KLF15: variants seen among roughly 807,000 people sequenced by gnomAD.
KLF15 encodes the protein KLF transcription factor 15.
Under a neutral mutation model 24.6 loss-of-function variants are expected in KLF15, and 4 were observed. The observed-to-expected ratio is 0.16, with a 90% CI of 0.08 to 0.37. The LOEUF (loss-of-function observed/expected upper bound fraction) is 0.37, where lower values mean the gene tolerates loss of function less well. KLF15 is among the 10% of genes least tolerant of loss of function. KLF15 has a pLI of 1.00. For synonymous variants in KLF15, 246 were observed against 236.3 expected (o/e 1.04, Z -0.37); for missense variants, 496 against 560.6 (o/e 0.88, Z 1.16).
At position 126,352,576 on chromosome 3, in the gene KLF15, T is replaced by G; in HGVS notation, c.347A>C (p.Lys116Thr). The change falls in exon 2 of 3, where the codon AAG (lysine) becomes ACG (threonine). Residue 116 changes from lysine to threonine, a missense_variant. Lys to Thr is a moderately conservative substitution (Grantham distance 78). Coordinates refer to ENST00000296233, the MANE Select transcript of KLF15 (RefSeq NM_014079.4). ...CTCGGGCAAGCAGAAATGCTCCCCC[T>G]TCACAGGGGCCGCTGCCCTTCGCCA... ...GPWRRAAAPV[K>T]GEHFCLPEFP... 1 of 1,612,656 alleles carries G rather than the reference T, an allele frequency of 6.2e-7. No homozygotes were observed. Among genetic ancestry groups the G allele is most frequent in the Non-Finnish European group, 8.5e-7 (1 of 1,179,930 alleles).
chr3:126,343,988 G>A, intron 2 of KLF15, 93 bp from the exon 3 acceptor site: 1 of 1,339,388 alleles, frequency 7.5e-7, no homozygotes, highest in Admixed American at 3.0e-5. Flanking sequence ...GCGTGCACCT[G>A]GCACTCACCC....
chr3:126,328,534 T>C, the KLF15 span, among the ~76,000 whole-genome samples: 2 of 152,220 alleles, frequency 1.3e-5, no homozygotes, highest in Non-Finnish European at 2.9e-5. Context: ...CTGTACTAGT[T>C]TACATTCCCA....
In KLF15 at chr3:126,356,731, G is replaced by A. The variant is rs748756329; in HGVS notation, c.-26+506C>T. On this transcript the variant is annotated intron_variant, in intron 1 of 2. Coordinates refer to ENST00000296233, the MANE Select transcript of KLF15 (RefSeq NM_014079.4). This position sits in a 1 kb window ranked among gnomAD's most constrained non-coding sequence, Gnocchi z 4.4. ...GGGAAACGTGCGTGGGAAATGAAGA[G>A]AGCCGGCTCAGACCCCTTCTAGAGT... Among the ~76,000 whole-genome samples the A allele has an allele frequency of 2.8e-4, 42 of 152,080 alleles. No individual in the cohort carries two copies. Among genetic ancestry groups the A allele is most frequent in the Non-Finnish European group, 5.4e-4 (37 of 68,014 alleles).
intron 2 of KLF15, among the ~76,000 whole-genome samples, chr3:126,347,172 A>G (rs2082541338): frequency 2.0e-5 from 3 of 152,180 alleles, no homozygotes; most frequent in Admixed American, 2.0e-4. Context: ...GGGCTGGTGC[A>G]TACAGCACTT....
chr3:126,315,436 C>A, the KLF15 span, among the ~76,000 whole-genome samples: 5 of 152,184 alleles, frequency 3.3e-5, no homozygotes, highest in African/African-American at 1.2e-4. Flanking sequence ...TGGTCCACCC[C>A]ACTGTGCCCC....
Position 126,356,100 on chromosome 3 carries a change from T to C in KLF15, c.-26+1137A>G, listed in dbSNP as rs528558537. Among the ~76,000 whole-genome samples the C allele has an allele frequency of 3.3e-5, 5 of 152,212 alleles. No individual in the cohort carries two copies. In the East Asian group the frequency reaches 7.8e-4, roughly 24 times the overall value. ...CAGCGGCTGCAGGAACAACATGTAA[T>C]TGATAACAAGCCCAGCGCCGGCCAA... On this transcript the variant is annotated intron_variant, in intron 1 of 2. Coordinates refer to ENST00000296233, the MANE Select transcript of KLF15 (RefSeq NM_014079.4). This position sits in a 1 kb window ranked among gnomAD's most constrained non-coding sequence, Gnocchi z 4.4.
chr3:126,310,767 C>T, the KLF15 span, among the ~76,000 whole-genome samples: 22,384 of 152,066 alleles, frequency 0.15, 2,873 homozygotes, highest in African/African-American at 0.35. Context: ...CTCATTTTAC[C>T]CTAATCACCT....
chr3:126,303,465 T>C, the KLF15 span, among the ~76,000 whole-genome samples: 1 of 152,112 alleles, frequency 6.6e-6, no homozygotes, highest in East Asian at 1.9e-4. Flanking sequence ...ATTCCACTGT[T>C]TTCTCATTTG....
At position 126,355,816 on chromosome 3, in the gene KLF15, G is replaced by A. The variant is rs143901029; in HGVS notation, c.-26+1421C>T. On this transcript the variant is annotated intron_variant, in intron 1 of 2. Coordinates refer to ENST00000296233, the MANE Select transcript of KLF15 (RefSeq NM_014079.4). ...ACAGGGTCTTAATGCTGGGCTGAAC[G>A]TCCCAAGGGGGAAGCACCCAGGCAC... is the stretch of plus-strand genomic sequence containing the variant. Among the ~76,000 whole-genome samples the A allele has an allele frequency of 9.7e-4, 148 of 152,342 alleles. 1 individual carries two copies. The highest frequency in any genetic ancestry group is 3.4e-3 in the African/African-American group (142 of 41,586).
At chr3:126,312,145 C>T in the KLF15 span, among the ~76,000 whole-genome samples, 3 of 152,208 alleles carry the variant, frequency 2.0e-5, no homozygotes, top group African/African-American at 7.2e-5. Context: ...GCTGTCAGAG[C>T]TCATGTGGAA....
the KLF15 span, among the ~76,000 whole-genome samples, chr3:126,317,868 C>T: frequency 4.6e-5 from 7 of 152,296 alleles, no homozygotes; most frequent in South Asian, 4.1e-4. Flanking sequence ...TTCTGTCCCT[C>T]GGTCGGATTC....
intron 2 of KLF15, among the ~76,000 whole-genome samples, chr3:126,349,998 G>A (rs901049803): frequency 2.0e-5 from 3 of 152,184 alleles, no homozygotes; most frequent in South Asian, 2.1e-4. Flanking sequence ...AGCCCTGCAC[G>A]CCTGCCCTGG....
At chr3:126,328,813 T>C in the KLF15 span, among the ~76,000 whole-genome samples, 1 of 152,246 alleles carries the variant, frequency 6.6e-6, no homozygotes, top group Non-Finnish European at 1.5e-5. Flanking sequence ...CAAAGTTAGA[T>C]ATCTTCTCAT....
At chr3:126,304,083 G>A in the KLF15 span, among the ~76,000 whole-genome samples, 1 of 151,978 alleles carries the variant, frequency 6.6e-6, no homozygotes, top group African/African-American at 2.4e-5. Context: ...CTTTAGTAAC[G>A]GTCATATTTT....
the KLF15 span, among the ~76,000 whole-genome samples, chr3:126,326,400 G>A: frequency 6.6e-6 from 1 of 152,236 alleles, no homozygotes; most frequent in Admixed American, 6.5e-5. Context: ...ATTACCTTGG[G>A]CAGTATAAGC....
chr3:126,294,475 C>A, the KLF15 span, among the ~76,000 whole-genome samples: 1 of 152,188 alleles, frequency 6.6e-6, no homozygotes. Context: ...AATTGCGATT[C>A]ATCTGTAAGA....
chr3:126,298,302 G>T, the KLF15 span, among the ~76,000 whole-genome samples: 25 of 140,292 alleles, frequency 1.8e-4, no homozygotes, highest in East Asian at 4.1e-4. Context: ...GGATTATTAG[G>T]TTTTTTTTTT....
At position 126,342,700 on chromosome 3, in the gene KLF15, C is replaced by A. The variant is rs931166641; in HGVS notation, c.*1027G>T. 6.6e-6 allele frequency: 1 copy of A among 152,474 alleles called. No individual in the cohort carries two copies. Among genetic ancestry groups the A allele is most frequent in the African/African-American group, 2.4e-5 (1 of 41,412 alleles). 9.4% of individuals were successfully genotyped at this position (152,474 alleles called of 1,614,324 possible). Reference sequence around the variant, plus strand: ...TTTATGAAGGACCAAAGAAAATATACGTAATTGTAACATATGTACACCAGC... The same window carrying A: ...TTTATGAAGGACCAAAGAAAATATAAGTAATTGTAACATATGTACACCAGC... On this transcript the variant is annotated 3_prime_UTR_variant, in exon 3 of 3. Transcript: ENST00000296233.
At chr3:126,296,491 G>T in the KLF15 span, among the ~76,000 whole-genome samples, 6 of 152,224 alleles carry the variant, frequency 3.9e-5, no homozygotes, top group Admixed American at 3.9e-4. Context: ...ACAGGCGTGA[G>T]CCACCACGCC....
Sources: allele counts gnomAD v4.1 joint callset (sites outside exome capture counted in the v4.1 genomes callset), GRCh38; gene constraint gnomAD v4.1.1; non-coding constraint Gnocchi (gnomAD v3.1); transcripts MANE v1.5; gene names NCBI Gene and HGNC (gene_info 2026-07-23, HGNC 2026-07-21).